The following ZMYND8 variants were observed in gnomAD, a reference collection of about 807,000 sequenced individuals.
ZMYND8 encodes zinc finger MYND-type containing 8, also known as MYND-type zinc finger-containing chromatin reader ZMYND8.
In ZMYND8, 37 loss-of-function variants were observed where a neutral mutation model predicts 140.8. The ratio of observed to expected loss-of-function variants is 0.26; its 90% CI spans 0.20 to 0.35. The LOEUF (loss-of-function observed/expected upper bound fraction) is 0.35, where lower values mean the gene tolerates loss of function less well. Among genes scored for constraint, ZMYND8 ranks in the 10% least tolerant of loss-of-function variants. The pLI is 1.00. For missense variants in ZMYND8, 1,068 were observed against 1,570.0 expected (o/e 0.68, Z 5.40); for synonymous variants, 592 against 597.1 (o/e 0.99, Z 0.12).
chr20:47,319,837 G>A (rs1053351153), intron 2 of ZMYND8: 6 of 152,192 alleles, frequency 3.9e-5, no homozygotes, highest in Admixed American at 2.0e-4. Flanking sequence ...GACTCCCTGT[G>A]AGAACGCACT....
intron 14 of ZMYND8, among the ~76,000 whole-genome samples, chr20:47,239,720 T>G (rs184937041): frequency 6.6e-6 from 1 of 152,310 alleles, no homozygotes; most frequent in African/African-American, 2.4e-5. Flanking sequence ...GCGGTACTGA[T>G]AGCCAGGACA....
At chr20:47,343,598 G>A (rs1488594031) in intron 2 of ZMYND8, among the ~76,000 whole-genome samples, 3 of 152,086 alleles carry the variant, frequency 2.0e-5, no homozygotes, top group Non-Finnish European at 4.4e-5. Flanking sequence ...TGCAACCTCC[G>A]CCTCTCGGGT....
At chr20:47,227,328 C>A (rs2037844092) in intron 17 of ZMYND8, 47 bp from the exon 18 acceptor site, 1 of 1,590,888 alleles carries the variant, frequency 6.3e-7, no homozygotes, top group South Asian at 1.1e-5. Context: ...TCATGCAGTT[C>A]ACCAGGAGGG....
intron 1 of ZMYND8, chr20:47,351,819 T>C: frequency 1.0e-6 from 1 of 985,464 alleles, no homozygotes. Flanking sequence ...TAGCAGTTTG[T>C]TCAATAGCTG....
intron 3 of ZMYND8, among the ~76,000 whole-genome samples, chr20:47,306,593 CAG>C (rs1399628465): frequency 1.5e-5 from 2 of 130,928 alleles, no homozygotes; most frequent in South Asian, 2.5e-4. Context: ...TTTTTTGAGA[CAG>C]AGTCTCACTC....
At chr20:47,253,354 T>G (rs1324093037) in intron 12 of ZMYND8, among the ~76,000 whole-genome samples, 1 of 152,036 alleles carries the variant, frequency 6.6e-6, no homozygotes, top group Non-Finnish European at 1.5e-5. Context: ...CTGACCAACA[T>G]GGTGAAATGC....
At chr20:47,245,317 G>A (rs1383559608) in intron 14 of ZMYND8, among the ~76,000 whole-genome samples, 1 of 152,110 alleles carries the variant, frequency 6.6e-6, no homozygotes, top group Non-Finnish European at 1.5e-5. Context: ...CGCAATCTCA[G>A]CTCACTGCAA....
intron 12 of ZMYND8, 54 bp from the exon 13 acceptor site, chr20:47,249,493 G>T: frequency 6.3e-7 from 1 of 1,583,120 alleles, no homozygotes; most frequent in South Asian, 1.1e-5. Context: ...TCCTCATCAC[G>T]GAGCTTCGTC....
chr20:47,319,121 C>G (rs1333935460), intron 2 of ZMYND8: 1 of 1,135,118 alleles, frequency 8.8e-7, no homozygotes. Context: ...ACCAGGCCAG[C>G]CCCGGTCTTG....
intron 2 of ZMYND8, among the ~76,000 whole-genome samples, chr20:47,334,624 A>ATT (rs1485001056): frequency 1.9e-4 from 29 of 149,620 alleles, no homozygotes; most frequent in African/African-American, 6.9e-4. Context: ...ATATATATAT[A>ATT]TATTTTAGGC....
Position 47,236,399 on chromosome 20 carries a change from G to A in ZMYND8, c.2783C>T (p.Ser928Leu). The change falls in exon 16 of 23, where the codon TCA (serine) becomes TTA (leucine). Residue 928 changes from serine (S) to leucine (L), a missense_variant. Ser to Leu is a moderately radical substitution (Grantham distance 145). Coordinates refer to ENST00000471951, the MANE Select transcript of ZMYND8 (RefSeq NM_001281775.3). Reference protein sequence around the residue: ...SSGSMSTLVSSVNADLPIATA... With the variant: ...SSGSMSTLVSLVNADLPIATA... Reference sequence around the variant, plus strand: ...GGCGATGGGCAGGTCAGCGTTGACTGAGGACACAAGGGTGCTCATGGACCC... The same window carrying A: ...GGCGATGGGCAGGTCAGCGTTGACTAAGGACACAAGGGTGCTCATGGACCC... The A allele has an allele frequency of 3.7e-6, 6 of 1,614,192 alleles. No homozygotes were observed. Among genetic ancestry groups the A allele is most frequent in the Non-Finnish European group, 5.1e-6 (6 of 1,180,038 alleles).
intron 4 of ZMYND8, among the ~76,000 whole-genome samples, chr20:47,295,673 C>T (rs1030848297): frequency 6.6e-6 from 1 of 152,210 alleles, no homozygotes; most frequent in Non-Finnish European, 1.5e-5. Context: ...TGTCAAAGTA[C>T]ACAAGGAGCA....
At chr20:47,314,182 T>C (rs989593569) in intron 2 of ZMYND8, among the ~76,000 whole-genome samples, 2 of 151,964 alleles carry the variant, frequency 1.3e-5, no homozygotes, top group Non-Finnish European at 2.9e-5. Context: ...TTATTTATCA[T>C]GTGACTGGAT....
intron 3 of ZMYND8, among the ~76,000 whole-genome samples, chr20:47,309,005 G>T (rs181677509): frequency 7.2e-4 from 109 of 152,300 alleles, no homozygotes; most frequent in African/African-American, 2.3e-3. Context: ...TTCCTTCAGT[G>T]CTATGAGATC....
intron 7 of ZMYND8, among the ~76,000 whole-genome samples, chr20:47,287,856 A>ACT (rs1556005051): frequency 0.012 from 919 of 76,232 alleles, 7 homozygotes; most frequent in South Asian, 0.08. Flanking sequence ...ACACACGCAC[A>ACT]CACGCACACA....
chr20:47,268,198 G>A (rs1207207495), intron 11 of ZMYND8, among the ~76,000 whole-genome samples: 4 of 151,848 alleles, frequency 2.6e-5, no homozygotes, highest in Non-Finnish European at 5.9e-5. Context: ...AGTGAGTCTC[G>A]ACTGGTCCAA....
chr20:47,240,813 T>C (rs139314351), intron 14 of ZMYND8, among the ~76,000 whole-genome samples: 3,166 of 151,218 alleles, frequency 0.021, 66 homozygotes, highest in African/African-American at 0.054. Context: ...CTTGGCCTCC[T>C]AAAGTGCTGG....
At chr20:47,238,523 A>G (rs1034308385) in intron 15 of ZMYND8, 1 of 688,510 alleles carries the variant, frequency 1.5e-6, no homozygotes, top group Non-Finnish European at 2.4e-6. Context: ...TTTAAGGAGA[A>G]TATATGCATG....
chr20:47,342,123 G>T (rs1569240105), intron 2 of ZMYND8, among the ~76,000 whole-genome samples: 1 of 152,136 alleles, frequency 6.6e-6, no homozygotes, highest in Non-Finnish European at 1.5e-5. Context: ...AATGAGCCGA[G>T]ATTGTGCCAC....
Sources: gnomAD v4.1 joint callset for allele counts (sites outside exome capture counted in the v4.1 genomes callset) on GRCh38, gnomAD v4.1.1 for gene constraint, MANE v1.5 for transcripts, NCBI Gene and HGNC (gene_info 2026-07-23, HGNC 2026-07-21) for gene names.